Variants in MED27 observed in about 807,000 individuals in gnomAD.
The protein encoded by MED27 is mediator of RNA polymerase II transcription subunit 27.
MED27 carries 30 observed loss-of-function variants against 38.2 expected under a neutral mutation model. The observed-to-expected ratio is 0.79, with a 90% CI of 0.59 to 1.07. The LOEUF (loss-of-function observed/expected upper bound fraction) is 1.07. MED27 is among the 50% of genes least tolerant of loss of function. MED27 has a pLI of 0.00. For missense variants in MED27, 289 were observed against 397.5 expected (o/e 0.73, Z 2.32); for synonymous variants, 122 against 153.5 (o/e 0.79, Z 1.52).
chr9:132,032,638 T>C (rs907414642), intron 2 of MED27, among the ~76,000 whole-genome samples: 1 of 152,204 alleles, frequency 6.6e-6, no homozygotes, highest in African/African-American at 2.4e-5. Context: ...TTCCCAAATG[T>C]AGCTCTTAAC....
At chr9:132,042,577 C>T (rs963271337) in intron 2 of MED27, among the ~76,000 whole-genome samples, 2 of 152,148 alleles carry the variant, frequency 1.3e-5, no homozygotes, top group Admixed American at 6.5e-5. Flanking sequence ...CTGCATTCAC[C>T]GTGAGTCAGC....
intron 3 of MED27, among the ~76,000 whole-genome samples, chr9:131,976,567 C>T (rs757389622): frequency 6.6e-6 from 1 of 152,208 alleles, no homozygotes; most frequent in African/African-American, 2.4e-5. Context: ...TCCAATCTCC[C>T]ATTACAAATA....
intron 3 of MED27, among the ~76,000 whole-genome samples, chr9:131,994,192 C>T (rs1331599247): frequency 6.6e-6 from 1 of 152,136 alleles, no homozygotes; most frequent in African/African-American, 2.4e-5. Context: ...TAAAATTAGC[C>T]TTGTTATACA....
In MED27 at chr9:131,997,332, C is replaced by T. The variant is rs1354753139; in HGVS notation, c.479+17005G>A. Among the ~76,000 whole-genome samples the T allele has an allele frequency of 6.6e-6, 1 of 152,190 alleles. No homozygotes were observed. Among genetic ancestry groups the T allele is most frequent in the East Asian group, 1.9e-4 (1 of 5,192 alleles). On this transcript the variant is annotated intron_variant, in intron 3 of 7. Coordinates refer to ENST00000292035, the MANE Select transcript of MED27 (RefSeq NM_004269.4). This position sits in a 1 kb window ranked among gnomAD's most constrained non-coding sequence, Gnocchi z 4.0. ...TGGCTACAGGACAGCGATCGACATA[C>T]AGCCTCCAGCTATCGGCATGTTCAG...
intron 4 of MED27, 60 bp from the exon 5 acceptor site, chr9:131,894,052 G>T (rs896516078): frequency 3.6e-6 from 5 of 1,382,532 alleles, no homozygotes; most frequent in African/African-American, 2.8e-5. Context: ...TTGGGCAGGG[G>T]TGTGAGAAGA....
intron 6 of MED27, 52 bp from the exon 7 acceptor site, chr9:131,863,192 GA>G (rs1838680296): frequency 2.0e-6 from 3 of 1,507,500 alleles, no homozygotes; most frequent in Non-Finnish European, 2.8e-6. Flanking sequence ...CTGGCATAGA[GA>G]AAACAAGCAG....
At position 132,013,048 on chromosome 9, in the gene MED27, C is replaced by T. The variant is rs866277789; in HGVS notation, c.479+1289G>A. Among the ~76,000 whole-genome samples, 14 of 152,232 alleles carry T rather than the reference C, an allele frequency of 9.2e-5. 1 individual carries two copies. The South Asian group carries it at 1.7e-3, about 18-fold the overall frequency. ...AGGTACAAGGGGTGAGCAGGACAGGCGAAGGAACGCTTCTCGGGCATCTGG... is the reference window on the plus strand; with the variant it reads ...AGGTACAAGGGGTGAGCAGGACAGGTGAAGGAACGCTTCTCGGGCATCTGG... On this transcript the variant is annotated intron_variant, in intron 3 of 7. Coordinates refer to ENST00000292035, the MANE Select transcript of MED27 (RefSeq NM_004269.4).
chr9:131,983,797 T>C (rs955088595), intron 3 of MED27, among the ~76,000 whole-genome samples: 3 of 152,216 alleles, frequency 2.0e-5, no homozygotes, highest in Non-Finnish European at 4.4e-5. Flanking sequence ...ATGGATATCT[T>C]AATAATTGAA....
intron 2 of MED27, among the ~76,000 whole-genome samples, chr9:132,056,947 C>A (rs1167765509): frequency 6.6e-6 from 1 of 152,166 alleles, no homozygotes; most frequent in African/African-American, 2.4e-5. Flanking sequence ...CTGACAAGTA[C>A]ACCCATCTGC....
At chr9:131,950,640 T>C (rs1266108940) in intron 3 of MED27, among the ~76,000 whole-genome samples, 1 of 152,122 alleles carries the variant, frequency 6.6e-6, no homozygotes. Context: ...TTAAAGCAAA[T>C]GCACACTCAG....
At chr9:131,972,221 G>T (rs1831495028) in intron 3 of MED27, among the ~76,000 whole-genome samples, 1 of 152,108 alleles carries the variant, frequency 6.6e-6, no homozygotes. Flanking sequence ...TCCCTACATG[G>T]AAAGTGAGGT....
intron 3 of MED27, among the ~76,000 whole-genome samples, chr9:131,964,393 T>TG (rs1831295999): frequency 8.3e-6 from 1 of 121,006 alleles, no homozygotes; most frequent in African/African-American, 3.1e-5. Flanking sequence ...ATGGTGGTGG[T>TG]GATGCTGGAG....
At chr9:131,886,296 A>C (rs1839139473) in intron 5 of MED27, among the ~76,000 whole-genome samples, 1 of 152,198 alleles carries the variant, frequency 6.6e-6, no homozygotes. Context: ...GATTCTGAGG[A>C]GGCCACTCTG....
chr9:132,016,639 A>C (rs1832608582), intron 2 of MED27, among the ~76,000 whole-genome samples: 1 of 152,160 alleles, frequency 6.6e-6, no homozygotes, highest in Non-Finnish European at 1.5e-5. Flanking sequence ...GCTTTATGGA[A>C]TTACAGGGAA....
At chr9:131,930,910 G>C (rs1418475459) in intron 4 of MED27, among the ~76,000 whole-genome samples, 2 of 151,818 alleles carry the variant, frequency 1.3e-5, no homozygotes, top group South Asian at 4.1e-4. Context: ...CCTTTTTTTT[G>C]TTTGTTTGTT....
intron 6 of MED27, among the ~76,000 whole-genome samples, chr9:131,874,462 AG>A (rs1838892071): frequency 6.6e-6 from 1 of 152,132 alleles, no homozygotes; most frequent in South Asian, 2.1e-4. Context: ...CTCACCTTGC[AG>A]GAGCCTGAGT....
At chr9:132,031,701 C>A (rs766476470) in intron 2 of MED27, among the ~76,000 whole-genome samples, 7 of 151,984 alleles carry the variant, frequency 4.6e-5, no homozygotes, top group Non-Finnish European at 1.0e-4. Context: ...TTGGGCAAGA[C>A]CAACACATCT....
At chr9:131,919,503 GGGA>G (rs1830352040) in intron 4 of MED27, among the ~76,000 whole-genome samples, 2 of 152,056 alleles carry the variant, frequency 1.3e-5, no homozygotes. Context: ...AAGTCAGACT[GGGA>G]TCCAAATTGT....
chr9:132,043,555 G>A (rs1323304782), intron 2 of MED27, among the ~76,000 whole-genome samples: 1 of 151,740 alleles, frequency 6.6e-6, no homozygotes, highest in East Asian at 1.9e-4. Context: ...AAAATCTTTT[G>A]TAATTTAAAA....
Sources: gnomAD v4.1 joint callset for allele counts (sites outside exome capture counted in the v4.1 genomes callset) on GRCh38, gnomAD v4.1.1 for gene constraint, Gnocchi (gnomAD v3.1) non-coding constraint, MANE v1.5 for transcripts, NCBI Gene and HGNC (gene_info 2026-07-23, HGNC 2026-07-21) for gene names.